The following EPHA7 variants were observed in gnomAD, a reference collection of about 807,000 sequenced individuals.
EPHA7 encodes the protein EPH receptor A7, also known as ephrin type-A receptor 7.
Under a neutral mutation model 112.6 loss-of-function variants are expected in EPHA7, and 25 were observed. That is an observed-to-expected ratio of 0.22 (90% CI 0.16 to 0.31). EPHA7 has a LOEUF of 0.31. Ranked by LOEUF, EPHA7 falls within the 10% of genes least tolerant of loss-of-function variation. The pLI, the probability that EPHA7 is intolerant of heterozygous loss-of-function variation, is 1.00. For synonymous variants in EPHA7, 437 were observed against 406.5 expected (o/e 1.07, Z -0.90); for missense variants, 962 against 1,212.6 (o/e 0.79, Z 3.07).
intron 2 of EPHA7, among the ~76,000 whole-genome samples, chr6:93,411,996 AG>A (rs1236712918): frequency 2.6e-5 from 4 of 152,206 alleles, no homozygotes; most frequent in African/African-American, 7.2e-5. Context: ...TTCTCAAAAA[AG>A]GAAAAAAAGT....
chr6:93,255,347 T>TCAACAA (rs34956295), intron 13 of EPHA7, among the ~76,000 whole-genome samples: 180 of 150,412 alleles, frequency 1.2e-3, no homozygotes, highest in African/African-American at 3.1e-3. Context: ...AAACTCCATC[T>TCAACAA]CAACAACAAC....
chr6:93,282,517 G>A (rs767991666), intron 5 of EPHA7, among the ~76,000 whole-genome samples: 8 of 152,208 alleles, frequency 5.3e-5, no homozygotes, highest in Non-Finnish European at 8.8e-5. Flanking sequence ...CACTCTTGGC[G>A]CCTCCTCGGC....
chr6:93,367,969 T>C (rs1374020752), intron 3 of EPHA7, among the ~76,000 whole-genome samples: 2 of 152,140 alleles, frequency 1.3e-5, no homozygotes, highest in Non-Finnish European at 2.9e-5. Flanking sequence ...TACAAATTAG[T>C]TATTAACCAA....
At chr6:93,391,537 T>C (rs971160763) in intron 3 of EPHA7, among the ~76,000 whole-genome samples, 2 of 151,914 alleles carry the variant, frequency 1.3e-5, no homozygotes, top group Non-Finnish European at 2.9e-5. Context: ...AGCCTGAACA[T>C]GGCAAAACTA....
rs1778337513 is a variant in EPHA7, at chr6:93,399,512, TG to T, written c.832+10988del. ...CAGGATTTTTTAGCCTCTTTTTAAT[TG>T]TAAATTGAGATTTCCATAGAAAAGA... On this transcript the variant is annotated intron_variant, in intron 3 of 16. Transcript: ENST00000369303. Among the ~76,000 whole-genome samples the T allele has an allele frequency of 1.3e-5, 2 of 152,120 alleles. 1 individual carries two copies. The highest frequency in any genetic ancestry group is 4.1e-4 in the South Asian group (2 of 4,834).
chr6:93,276,256 G>C (rs1283289051), intron 5 of EPHA7, among the ~76,000 whole-genome samples: 2 of 152,046 alleles, frequency 1.3e-5, no homozygotes, highest in African/African-American at 2.4e-5. Context: ...GTAGAAGTCA[G>C]AGAAATTTCA....
chr6:93,358,562 T>A, intron 3 of EPHA7, 151 bp from the exon 4 acceptor site: 2 of 625,866 alleles, frequency 3.2e-6, no homozygotes, highest in Admixed American at 3.6e-5. Flanking sequence ...GGTATTTCAC[T>A]AGCCAAATGT....
chr6:93,324,686 G>T (rs1051300447), intron 5 of EPHA7, among the ~76,000 whole-genome samples: 1 of 151,400 alleles, frequency 6.6e-6, no homozygotes, highest in Non-Finnish European at 1.5e-5. Flanking sequence ...TGAGACTGCA[G>T]AAACATGATC....
intron 3 of EPHA7, among the ~76,000 whole-genome samples, chr6:93,371,509 G>A (rs1776796060): frequency 6.6e-6 from 1 of 152,202 alleles, no homozygotes; most frequent in Non-Finnish European, 1.5e-5. Flanking sequence ...CCTTGATACT[G>A]AGAGGCAACT....
chr6:93,390,941 T>C (rs945477781), intron 3 of EPHA7, among the ~76,000 whole-genome samples: 1 of 151,952 alleles, frequency 6.6e-6, no homozygotes, highest in Non-Finnish European at 1.5e-5. Flanking sequence ...CAACAGTCTT[T>C]TTAGTACTGA....
intron 3 of EPHA7, among the ~76,000 whole-genome samples, chr6:93,378,967 A>G (rs1042726633): frequency 2.0e-5 from 3 of 152,188 alleles, no homozygotes; most frequent in African/African-American, 7.2e-5. Context: ...ATAAATGTAT[A>G]CATTTTATTC....
chr6:93,414,873 G>C lies in EPHA7; in HGVS notation c.98-106C>G, dbSNP rs1779149698. On this transcript the variant is annotated intron_variant, in intron 1 of 16. Coordinates refer to ENST00000369303, the MANE Select transcript of EPHA7 (RefSeq NM_004440.4). The stretch of plus-strand genomic sequence containing the variant: ...ATATAACTATCACTATATGACTTAA[G>C]ATCTGTAGTTATTTATGTAAATCAA... 3.6e-6 allele frequency: 3 copies of C among 826,218 alleles called. No individual in the cohort carries two copies. In the East Asian group the frequency reaches 7.7e-5, roughly 21 times the overall value. The allele number at this position is 826,218 out of a possible 1,614,324, so 51.2% of individuals were successfully genotyped here.
Position 93,410,512 on chromosome 6 carries a change from T to C in EPHA7, c.821A>G (p.Asp274Gly), listed in dbSNP as rs1313843472. The change falls in exon 3 of 17, where the codon GAC (aspartate) becomes GGC (glycine). Residue 274 changes from aspartate (D) to glycine (G), a missense_variant. Physicochemically the swap from Asp to Gly is moderately conservative, Grantham distance 94. Transcript: ENST00000369303. This position sits in a 1 kb window ranked among gnomAD's most constrained non-coding sequence, Gnocchi z 4.0. ...GACACATTACTTACGTTCACAAGTG[T>C]CTCCTTTTTGCTGGTAGCCTGCTTT... ...ICKAGYQQKG[D>G]TCEPCGRGFY... is the part of the protein sequence containing the mutation. The C allele has an allele frequency of 5.0e-6, 8 of 1,611,904 alleles. No homozygotes were observed. The highest frequency in any genetic ancestry group is 1.7e-4 in the Middle Eastern group (1 of 6,026).
intron 4 of EPHA7, among the ~76,000 whole-genome samples, chr6:93,357,774 C>A (rs1026471249): frequency 6.6e-6 from 1 of 151,750 alleles, no homozygotes; most frequent in Non-Finnish European, 1.5e-5. Flanking sequence ...CTGCTTCAGT[C>A]TTCCGCGTAG....
At chr6:93,356,443 T>C (rs1775950614) in intron 5 of EPHA7, among the ~76,000 whole-genome samples, 1 of 152,148 alleles carries the variant, frequency 6.6e-6, no homozygotes, top group Admixed American at 6.6e-5. Context: ...GACCTTGTGA[T>C]CTGCCCGCCT....
chr6:93,401,628 C>A (rs910127508), intron 3 of EPHA7, among the ~76,000 whole-genome samples: 2 of 151,996 alleles, frequency 1.3e-5, no homozygotes, highest in Non-Finnish European at 2.9e-5. Flanking sequence ...GTGCATGTGA[C>A]CTTCTACTTT....
intron 5 of EPHA7, among the ~76,000 whole-genome samples, chr6:93,303,311 C>T (rs1040790687): frequency 6.6e-6 from 1 of 152,132 alleles, no homozygotes; most frequent in Admixed American, 6.6e-5. Context: ...CAGCACTGTA[C>T]CTTCTCATAG....
intron 5 of EPHA7, among the ~76,000 whole-genome samples, chr6:93,318,060 T>C (rs533718253): frequency 6.6e-6 from 1 of 152,294 alleles, no homozygotes; most frequent in Admixed American, 6.5e-5. Flanking sequence ...ATTATGGCAT[T>C]ACCCTTCTAA....
Position 93,358,394 on chromosome 6 carries a change from A to G in EPHA7, c.850T>C (p.Tyr284His), listed in dbSNP as rs202168283. 3.4e-4 allele frequency: 540 copies of G among 1,610,852 alleles called. 2 individuals carry two copies. Among genetic ancestry groups the G allele is most frequent in the Non-Finnish European group, 4.4e-4 (515 of 1,178,250 alleles). Reference protein sequence around the residue: ...DTCEPCGRGFYKSSSQDLQCS... With the variant: ...DTCEPCGRGFHKSSSQDLQCS... ...TGAAGATCTTGAGAGGAAGACTTGT[A>G]GAACCCACGGCCACAGGCTGGGAAT... The change falls in exon 4 of 17, where the codon TAC becomes CAC. Residue 284 changes from tyrosine to histidine, a missense_variant. This residue lies in a region of EPHA7 where 746 missense variants were observed against 889.2 expected (regional missense o/e 0.84). Coordinates refer to ENST00000369303, the MANE Select transcript of EPHA7 (RefSeq NM_004440.4).
Sources: allele counts gnomAD v4.1 joint callset (sites outside exome capture counted in the v4.1 genomes callset), GRCh38; gene constraint gnomAD v4.1.1; regional missense constraint gnomAD v4.1.1; non-coding constraint Gnocchi (gnomAD v3.1); transcripts MANE v1.5; gene names NCBI Gene and HGNC (gene_info 2026-07-23, HGNC 2026-07-21).